Variants in SLC2A7 observed in about 807,000 individuals in gnomAD.
SLC2A7 encodes the protein solute carrier family 2, facilitated glucose transporter member 7.
A neutral mutation model predicts 50.5 loss-of-function variants in SLC2A7; 50 were observed. That is an observed-to-expected ratio of 0.99 (90% CI 0.79 to 1.25). The LOEUF (loss-of-function observed/expected upper bound fraction) is 1.25. SLC2A7 is among the 50% of genes most tolerant of loss of function. The probability of loss-of-function intolerance (pLI) is 0.00; values close to 1 mark genes in which losing one functional copy is unlikely to be tolerated. For missense variants in SLC2A7, 683 were observed against 679.1 expected (o/e 1.01, Z -0.06); for synonymous variants, 308 against 300.4 (o/e 1.03, Z -0.26).
At chr1:9,010,361 T>G (rs983069962) in intron 8 of SLC2A7, 117 bp from the exon 9 acceptor site, 4 of 786,960 alleles carry the variant, frequency 5.1e-6, no homozygotes, top group Admixed American at 2.8e-5. Flanking sequence ...TCTTTTGTCT[T>G]TCTTTCTTTT....
intron 3 of SLC2A7, 111 bp from the exon 4 acceptor site, chr1:9,019,444 C>T (rs984506535): frequency 2.6e-5 from 37 of 1,443,128 alleles, no homozygotes; most frequent in Non-Finnish European, 3.0e-5. Context: ...GGAATGTGCC[C>T]GAGAAAGAGC....
At chr1:8,992,989 T>G in the SLC2A7 span, among the ~76,000 whole-genome samples, 1 of 152,160 alleles carries the variant, frequency 6.6e-6, no homozygotes, top group Non-Finnish European at 1.5e-5. Context: ...AAACCTGACA[T>G]CAGGTTGCAG....
chr1:8,997,551 C>T, the SLC2A7 span, among the ~76,000 whole-genome samples: 1 of 152,110 alleles, frequency 6.6e-6, no homozygotes, highest in Admixed American at 6.6e-5. Flanking sequence ...TAGGTGCCCA[C>T]CACCAAGCCG....
At chr1:9,026,230 C>T in intron 1 of SLC2A7, 65 bp downstream of exon 1, 1 of 1,545,114 alleles carries the variant, frequency 6.5e-7, no homozygotes, top group Admixed American at 1.8e-5. Flanking sequence ...GCCTTCACCT[C>T]CCTCCACAGG....
intron 11 of SLC2A7, among the ~76,000 whole-genome samples, chr1:9,003,869 CA>C (rs1158147433): frequency 6.6e-6 from 1 of 151,630 alleles, no homozygotes; most frequent in East Asian, 1.9e-4. Context: ...AAAACAAAAA[CA>C]AAAACAAAAA....
At chr1:9,018,052 T>C (rs78727838) in intron 5 of SLC2A7, among the ~76,000 whole-genome samples, 171 bp downstream of exon 5, 3,318 of 152,204 alleles carry the variant, frequency 0.022, 71 homozygotes, top group African/African-American at 0.043. Flanking sequence ...TTTGTCGCCA[T>C]CACTCACCAA....
intron 10 of SLC2A7, among the ~76,000 whole-genome samples, chr1:9,006,534 G>A (rs1488608377): frequency 6.6e-6 from 1 of 152,202 alleles, no homozygotes; most frequent in South Asian, 2.1e-4. Context: ...TTACAGGCAT[G>A]AGCCACCATG....
chr1:9,024,939 TGC>T, intron 2 of SLC2A7, 35 bp downstream of exon 2: 2 of 1,587,124 alleles, frequency 1.3e-6, no homozygotes, highest in Non-Finnish European at 1.7e-6. Flanking sequence ...CCCGGTCAGC[TGC>T]TGCCCGGCCC....
At chr1:9,011,312 G>A (rs1309275380) in intron 8 of SLC2A7, among the ~76,000 whole-genome samples, 3 of 152,174 alleles carry the variant, frequency 2.0e-5, no homozygotes, top group Non-Finnish European at 2.9e-5. Flanking sequence ...GCCACCTCCT[G>A]ATCTGTTGGC....
At chr1:9,012,171 AGACT>A (rs1640759548) in intron 8 of SLC2A7, among the ~76,000 whole-genome samples, 2 of 152,198 alleles carry the variant, frequency 1.3e-5, no homozygotes, top group Non-Finnish European at 2.9e-5. Flanking sequence ...CCCAACAGAC[AGACT>A]ATCACTGCCA....
chr1:9,018,512 G>A (rs971048836), intron 4 of SLC2A7, 137 bp from the exon 5 acceptor site: 5 of 1,260,568 alleles, frequency 4.0e-6, no homozygotes, highest in Non-Finnish European at 4.4e-6. Context: ...GGCCAACCTC[G>A]ACTGTTTAGT....
Position 9,003,339 on chromosome 1 carries a change from C to T in SLC2A7, c.1500G>A (p.Gly500=), listed in dbSNP as rs747793269. 10 of 1,614,202 alleles carry T rather than the reference C, an allele frequency of 6.2e-6. No homozygotes were observed. In the South Asian group the frequency reaches 1.1e-4, roughly 18 times the overall value. Reference sequence around the variant, plus strand: ...CCTTGGCAGGAGAGGCTGTGGGAGGCCCAGCATCAATGGTTTCTTCTTTCT... The same window carrying T: ...CCTTGGCAGGAGAGGCTGTGGGAGGTCCAGCATCAATGGTTTCTTCTTTCT... The part of the protein sequence containing the change: ...PEEKEETIDA[G]PPTASPAKET... The change falls in exon 12 of 12, where the codon GGG becomes GGA. Residue 500 remains glycine (G), a synonymous_variant. Transcript: ENST00000400906.
the SLC2A7 span, among the ~76,000 whole-genome samples, chr1:8,994,303 C>T: frequency 1.3e-5 from 2 of 152,170 alleles, no homozygotes; most frequent in South Asian, 4.1e-4. Flanking sequence ...TTTGGAGCAC[C>T]TGGGCTTAGG....
chr1:9,019,152 GC>G, intron 4 of SLC2A7, 56 bp downstream of exon 4: 3 of 1,579,634 alleles, frequency 1.9e-6, no homozygotes, highest in Admixed American at 1.8e-5. Flanking sequence ...CCTGCTTCCA[GC>G]CTTGGCCAAA....
intron 2 of SLC2A7, 59 bp from the exon 3 acceptor site, chr1:9,023,137 A>T: frequency 6.4e-7 from 1 of 1,562,800 alleles, no homozygotes; most frequent in Non-Finnish European, 8.7e-7. Context: ...AGAAATGAGA[A>T]AGTGTTCTCA....
At chr1:9,019,744 T>C (rs1314219569) in intron 3 of SLC2A7, among the ~76,000 whole-genome samples, 2 of 151,968 alleles carry the variant, frequency 1.3e-5, no homozygotes, top group Non-Finnish European at 2.9e-5. Flanking sequence ...GCTAACATGG[T>C]GAAATCCCAT....
Position 9,015,123 on chromosome 1 carries a change from G to A in SLC2A7, c.709C>T (p.Arg237Ter), listed in dbSNP as rs751733091. ...GTAGCCGGCGACTTCATACCTTGTC[G>A]CGCTGTGGCTTCATCTCCTTTCTGA... ...LIQKGDEATARQALRRLRGHT... is the reference protein window; with the variant it reads ...LIQKGDEATA The change falls in exon 6 of 12, where the codon CGA (arginine) becomes TGA (stop). Residue 237 changes from arginine (R) to a stop codon, truncating the protein, a stop_gained. Transcript: ENST00000400906. LOFTEE classifies it high-confidence loss of function. 3.0e-5 allele frequency: 48 copies of A among 1,613,266 alleles called. No homozygotes were observed. Among genetic ancestry groups the A allele is most frequent in the Admixed American group, 8.3e-5 (5 of 59,914 alleles).
chr1:8,999,802 C>CTGG (rs1640551070), downstream of SLC2A7, among the ~76,000 whole-genome samples: 1 of 152,182 alleles, frequency 6.6e-6, no homozygotes, highest in South Asian at 2.1e-4. Context: ...ACAGGACCTG[C>CTGG]TGGAGCCACA....
At chr1:8,996,489 T>C in the SLC2A7 span, among the ~76,000 whole-genome samples, 1 of 152,342 alleles carries the variant, frequency 6.6e-6, no homozygotes, top group East Asian at 1.9e-4. Flanking sequence ...TGAACATTTG[T>C]GTGCATGTCT....
Sources: gnomAD v4.1 joint callset for allele counts (sites outside exome capture counted in the v4.1 genomes callset) on GRCh38, gnomAD v4.1.1 for gene constraint, MANE v1.5 for transcripts, NCBI Gene and HGNC (gene_info 2026-07-23, HGNC 2026-07-21) for gene names.